The following TENM4 variants were observed in gnomAD, a reference collection of about 807,000 sequenced individuals.
TENM4 encodes the protein teneurin-4.
In TENM4, 82 loss-of-function variants were observed where a neutral mutation model predicts 243.3. The observed-to-expected ratio is 0.34, with a 90% confidence interval of 0.28 to 0.40. The LOEUF (loss-of-function observed/expected upper bound fraction) is 0.40. TENM4 is among the 10% of genes least tolerant of loss of function. The pLI, the probability that TENM4 is intolerant of heterozygous loss-of-function variation, is 1.00. For missense variants in TENM4, 3,138 were observed against 3,673.3 expected (o/e 0.85, Z 3.77); for synonymous variants, 1,412 against 1,456.3 (o/e 0.97, Z 0.69).
chr11:78,663,527 G>A (rs1369906224), intron 32 of TENM4, among the ~76,000 whole-genome samples: 2 of 152,020 alleles, frequency 1.3e-5, no homozygotes, highest in Non-Finnish European at 2.9e-5. Context: ...AAAGCGTGTG[G>A]CACCCCTCCC....
At chr11:78,873,068 G>C (rs370799949) in intron 9 of TENM4, among the ~76,000 whole-genome samples, 3 of 152,290 alleles carry the variant, frequency 2.0e-5, no homozygotes, top group South Asian at 4.1e-4. Context: ...ACAGAACAGA[G>C]TGTTTGATGT....
intron 3 of TENM4, among the ~76,000 whole-genome samples, chr11:79,203,648 AC>A (rs1241487665): frequency 6.6e-6 from 1 of 152,176 alleles, no homozygotes; most frequent in African/African-American, 2.4e-5. Context: ...TGATTCCAGG[AC>A]CCCCTGCAGG....
chr11:78,794,196 G>A (rs1444278054), intron 15 of TENM4, among the ~76,000 whole-genome samples: 1 of 152,190 alleles, frequency 6.6e-6, no homozygotes, highest in Non-Finnish European at 1.5e-5. Flanking sequence ...TCAGGGAAAG[G>A]AGGGGTTGAA....
At chr11:78,743,503 T>A (rs1033396718) in intron 19 of TENM4, among the ~76,000 whole-genome samples, 3 of 152,176 alleles carry the variant, frequency 2.0e-5, no homozygotes, top group Admixed American at 1.3e-4. Flanking sequence ...TTCTGTAACT[T>A]AAGGTGAGGG....
intron 2 of TENM4, among the ~76,000 whole-genome samples, chr11:79,263,946 TC>T (rs1272389923): frequency 1.3e-5 from 2 of 152,228 alleles, no homozygotes; most frequent in Non-Finnish European, 2.9e-5. Context: ...TATGGTATTT[TC>T]CATCAACATT....
chr11:79,131,368 C>CT (rs1400914585), intron 4 of TENM4, among the ~76,000 whole-genome samples: 6 of 152,198 alleles, frequency 3.9e-5, no homozygotes, highest in African/African-American at 1.4e-4. Flanking sequence ...GACTGGGGCT[C>CT]TATCTTCAGC....
intron 6 of TENM4, among the ~76,000 whole-genome samples, chr11:78,936,397 A>G (rs1856784883): frequency 6.6e-6 from 1 of 152,232 alleles, no homozygotes; most frequent in Non-Finnish European, 1.5e-5. Flanking sequence ...GAAAGAATAA[A>G]TAAAGATCTT....
chr11:78,818,300 G>A (rs1012969952), intron 12 of TENM4, among the ~76,000 whole-genome samples: 6 of 152,170 alleles, frequency 3.9e-5, no homozygotes, highest in African/African-American at 1.4e-4. Context: ...TCTGATTTCC[G>A]GAGTCTGCAA....
chr11:79,125,859 C>T (rs1052405126), intron 4 of TENM4, among the ~76,000 whole-genome samples: 1 of 152,122 alleles, frequency 6.6e-6, no homozygotes, highest in Non-Finnish European at 1.5e-5. Context: ...TCCCAGCGAG[C>T]CCCTAGAGGT....
rs536430613 is a variant in TENM4, at chr11:79,431,027, C to A, written c.-321+9482G>T. On this transcript the variant is annotated intron_variant, in intron 1 of 33. Coordinates refer to ENST00000278550, the MANE Select transcript of TENM4 (RefSeq NM_001098816.3). ...GAAAGAGCACAGGGACGCACCGTTG[C>A]CAATTTTCTTAGGTTAGTTCAATTA... Among the ~76,000 whole-genome samples the A allele has an allele frequency of 7.9e-5, 12 of 152,076 alleles. No individual in the cohort carries two copies. The East Asian group carries it at 2.1e-3, about 27-fold the overall frequency.
intron 16 of TENM4, among the ~76,000 whole-genome samples, chr11:78,779,268 G>A (rs1338473464): frequency 6.6e-6 from 1 of 152,204 alleles, no homozygotes; most frequent in Non-Finnish European, 1.5e-5. Flanking sequence ...TTCTAAGTAA[G>A]ATGCATTCCT....
At chr11:79,108,961 C>T (rs552649799) in intron 4 of TENM4, among the ~76,000 whole-genome samples, 125 of 152,260 alleles carry the variant, frequency 8.2e-4, no homozygotes, top group Non-Finnish European at 1.4e-3. Flanking sequence ...CTCACAAACA[C>T]CCACCGCTTG....
At position 78,661,537 on chromosome 11, in the gene TENM4, C is replaced by T. The variant is rs776642107; in HGVS notation, c.7463G>A (p.Gly2488Asp). Residue 2488 changes from glycine to aspartate, a missense_variant, in exon 33 of 34, where the codon GGT becomes GAT. Coordinates refer to ENST00000278550, the MANE Select transcript of TENM4 (RefSeq NM_001098816.3). The stretch of plus-strand genomic sequence containing the variant: ...GGCATCCATGTCTGGTTTGGGATAA[C>T]CAGGGATCACGTTGTGTAGCTGGAA... Reference protein sequence around the residue: ...FGFQLHNVIPGYPKPDMDAME... With the variant: ...FGFQLHNVIPDYPKPDMDAME... The T allele has an allele frequency of 5.6e-6, 9 of 1,613,094 alleles. No individual in the cohort carries two copies. Among genetic ancestry groups the T allele is most frequent in the Non-Finnish European group, 6.8e-6 (8 of 1,179,706 alleles).
intron 6 of TENM4, among the ~76,000 whole-genome samples, chr11:78,927,814 C>T (rs535262074): frequency 7.2e-4 from 110 of 152,080 alleles, no homozygotes; most frequent in Non-Finnish European, 1.3e-3. Flanking sequence ...GCTCCACTTT[C>T]TCCCTTCCAT....
chr11:79,393,673 C>T (rs2135545027), intron 1 of TENM4, among the ~76,000 whole-genome samples: 1 of 152,330 alleles, frequency 6.6e-6, no homozygotes, highest in South Asian at 2.1e-4. Context: ...GAGGCGGGCA[C>T]TCCACGATGC....
At chr11:78,946,282 G>A (rs1857000276) in intron 6 of TENM4, among the ~76,000 whole-genome samples, 1 of 152,228 alleles carries the variant, frequency 6.6e-6, no homozygotes, top group African/African-American at 2.4e-5. Flanking sequence ...TAAGAATGAT[G>A]CTAAATCTAC....
rs927583784 is a variant in TENM4, at chr11:78,816,127, A to G, written c.1682-1732T>C. Among the ~76,000 whole-genome samples, 6 of 152,340 alleles carry G rather than the reference A, an allele frequency of 3.9e-5. No homozygotes were observed. In the South Asian group the frequency reaches 1.2e-3, roughly 32 times the overall value. On this transcript the variant is annotated intron_variant, in intron 12 of 33. Transcript: ENST00000278550. The stretch of plus-strand genomic sequence containing the variant: ...TGGAGTCCACGCTGAAGCCTTGAAC[A>G]TTCTCAGGTACTGAAAAAGGTGTTT...
At position 78,995,649 on chromosome 11, in the gene TENM4, G is replaced by C. The variant is rs148232611; in HGVS notation, c.493+69089C>G. On this transcript the variant is annotated intron_variant, in intron 6 of 33. Transcript: ENST00000278550. Reference sequence around the variant, plus strand: ...CTTCAGGTAAGTGGTGGGTGGAAAAGAATTATAAAATTTTAAAGTTAGAAT... The same window carrying C: ...CTTCAGGTAAGTGGTGGGTGGAAAACAATTATAAAATTTTAAAGTTAGAAT... 4.7e-3 allele frequency among the ~76,000 whole-genome samples: 712 copies of C among 150,506 alleles called. 6 individuals carry two copies. Among genetic ancestry groups the C allele is most frequent in the African/African-American group, 0.016 (664 of 41,158 alleles).
At chr11:78,853,671 C>T (rs1376971463) in intron 12 of TENM4, among the ~76,000 whole-genome samples, 2 of 152,296 alleles carry the variant, frequency 1.3e-5, no homozygotes, top group East Asian at 1.9e-4. Flanking sequence ...TTCTCATTGG[C>T]CAGGGGTTGT....
Sources: allele counts gnomAD v4.1 joint callset (sites outside exome capture counted in the v4.1 genomes callset), GRCh38; gene constraint gnomAD v4.1.1; transcripts MANE v1.5; gene names NCBI Gene and HGNC (gene_info 2026-07-23, HGNC 2026-07-21).